Variants in ADK observed in about 807,000 individuals in gnomAD.
ADK encodes adenosine kinase.
ADK carries 24 observed loss-of-function variants against 44.7 expected under a neutral mutation model. The observed-to-expected ratio is 0.54, with a 90% CI of 0.39 to 0.76. The LOEUF (loss-of-function observed/expected upper bound fraction) is 0.76, where lower values mean the gene tolerates loss of function less well. Among genes scored for constraint, ADK ranks in the 30% least tolerant of loss-of-function variants. The pLI is 0.00. For synonymous variants in ADK, 128 were observed against 142.6 expected, an observed-to-expected ratio of 0.90 and a Z score of 0.73; for missense variants, 321 against 425.1, an observed-to-expected ratio of 0.76 and a Z score of 2.15.
At chr10:74,686,173 A>T (rs556789336) in intron 10 of ADK, among the ~76,000 whole-genome samples, 1 of 152,148 alleles carries the variant, frequency 6.6e-6, no homozygotes, top group South Asian at 2.1e-4. Flanking sequence ...CATGTTAGCC[A>T]GGATGGTCTC....
chr10:74,673,087 G>T (rs1364183560), intron 10 of ADK, among the ~76,000 whole-genome samples: 1 of 152,188 alleles, frequency 6.6e-6, no homozygotes, highest in African/African-American at 2.4e-5. Flanking sequence ...CTGAGTAGAT[G>T]ACTTACTTTA....
At position 74,585,182 on chromosome 10, in the gene ADK, T is replaced by C. The variant is rs143714622; in HGVS notation, c.727-4100T>C. Among the ~76,000 whole-genome samples the C allele has an allele frequency of 3.9e-3, 588 of 152,288 alleles. 7 individuals carry two copies. The highest frequency in any genetic ancestry group is 0.013 in the African/African-American group (554 of 41,560). On this transcript the variant is annotated intron_variant, in intron 7 of 10. Coordinates refer to ENST00000539909, the MANE Select transcript of ADK (RefSeq NM_006721.4). Reference sequence around the variant, plus strand: ...TTCCCTAACCTCCATTCAAAAACTATATTTGGTTGTTGTTTTACCCTGGTT... The same window carrying C: ...TTCCCTAACCTCCATTCAAAAACTACATTTGGTTGTTGTTTTACCCTGGTT...
At chr10:74,628,643 A>T (rs575459225) in intron 9 of ADK, among the ~76,000 whole-genome samples, 6 of 152,160 alleles carry the variant, frequency 3.9e-5, no homozygotes, top group African/African-American at 1.4e-4. Flanking sequence ...CAACAACCTC[A>T]TCACTTCTAA....
Position 74,318,923 on chromosome 10 carries a change from C to T in ADK, c.273+4178C>T, listed in dbSNP as rs1207700093. Among the ~76,000 whole-genome samples the T allele has an allele frequency of 3.9e-5, 6 of 152,286 alleles. No homozygotes were observed. In the East Asian group the frequency reaches 7.7e-4, roughly 20 times the overall value. On this transcript the variant is annotated intron_variant, in intron 4 of 10. Coordinates refer to ENST00000539909, the MANE Select transcript of ADK (RefSeq NM_006721.4). Reference sequence around the variant, plus strand: ...GTTGAGAGGATATTTAGCTTAATGTCATTGCACTGGACTGACATCAAGAAT... The same window carrying T: ...GTTGAGAGGATATTTAGCTTAATGTTATTGCACTGGACTGACATCAAGAAT...
chr10:74,362,157 A>G (rs1842354834), intron 4 of ADK, among the ~76,000 whole-genome samples: 1 of 152,022 alleles, frequency 6.6e-6, no homozygotes, highest in African/African-American at 2.4e-5. Context: ...TAAGTTTTCT[A>G]CCCCTTTGTC....
At chr10:74,262,583 G>A (rs1591950943) in intron 3 of ADK, among the ~76,000 whole-genome samples, 1 of 152,118 alleles carries the variant, frequency 6.6e-6, no homozygotes, top group South Asian at 2.1e-4. Flanking sequence ...TATTATTTTT[G>A]TCTTAGTCAT....
At chr10:74,387,238 T>C (rs907312629) in intron 4 of ADK, among the ~76,000 whole-genome samples, 1 of 152,078 alleles carries the variant, frequency 6.6e-6, no homozygotes, top group African/African-American at 2.4e-5. Flanking sequence ...CCTGGCCTGG[T>C]ATTTCAGTTT....
intron 7 of ADK, among the ~76,000 whole-genome samples, chr10:74,588,665 A>G (rs1851610873): frequency 6.6e-6 from 1 of 152,330 alleles, no homozygotes; most frequent in Non-Finnish European, 1.5e-5. Flanking sequence ...ATTAGTGATG[A>G]TAAGTGATAG....
intron 7 of ADK, among the ~76,000 whole-genome samples, chr10:74,544,674 A>C (rs1256584092): frequency 1.3e-5 from 2 of 152,092 alleles, no homozygotes; most frequent in Admixed American, 6.5e-5. Flanking sequence ...CAGGAGATCG[A>C]GACCATCCTG....
intron 6 of ADK, among the ~76,000 whole-genome samples, chr10:74,513,174 A>T (rs1371748495): frequency 6.6e-6 from 1 of 152,106 alleles, no homozygotes; most frequent in Non-Finnish European, 1.5e-5. Flanking sequence ...TTGTGTCCTT[A>T]CACACGATTG....
At chr10:74,653,281 A>G (rs558004324) in intron 9 of ADK, among the ~76,000 whole-genome samples, 29 of 152,118 alleles carry the variant, frequency 1.9e-4, no homozygotes, top group African/African-American at 6.7e-4. Context: ...ATGAAACCCT[A>G]TATCTACTAA....
chr10:74,408,610 T>G (rs1456296731), intron 6 of ADK, among the ~76,000 whole-genome samples: 35 of 152,156 alleles, frequency 2.3e-4, no homozygotes, highest in Admixed American at 2.3e-3. Context: ...GTTTACCTCC[T>G]CAAAAACTTA....
chr10:74,423,799 C>G, intron 6 of ADK: 2 of 330,530 alleles, frequency 6.1e-6, no homozygotes, highest in Non-Finnish European at 1.2e-5. Flanking sequence ...GCTATGATAC[C>G]GCTCCTGTCC....
chr10:74,440,524 A>G (rs1845365188), intron 6 of ADK, among the ~76,000 whole-genome samples: 1 of 152,188 alleles, frequency 6.6e-6, no homozygotes, highest in South Asian at 2.1e-4. Context: ...AGGCTTTATC[A>G]TACCCTAATG....
chr10:74,488,546 TAAC>T (rs1019364498), intron 6 of ADK, among the ~76,000 whole-genome samples: 8 of 150,886 alleles, frequency 5.3e-5, no homozygotes, highest in African/African-American at 1.2e-4. Context: ...AGTATGATAA[TAAC>T]AAATTAGCAC....
chr10:74,431,608 G>T (rs983087294), intron 6 of ADK, among the ~76,000 whole-genome samples: 1 of 152,094 alleles, frequency 6.6e-6, no homozygotes, highest in African/African-American at 2.4e-5. Context: ...AGGTGTGGTA[G>T]CTGGCACCTG....
intron 9 of ADK, among the ~76,000 whole-genome samples, chr10:74,666,142 T>C (rs1854950739): frequency 6.6e-6 from 1 of 152,236 alleles, no homozygotes; most frequent in Non-Finnish European, 1.5e-5. Context: ...TATAATTGAC[T>C]TTCATTATTG....
intron 3 of ADK, among the ~76,000 whole-genome samples, chr10:74,232,874 T>C (rs909584192): frequency 6.6e-6 from 1 of 152,294 alleles, no homozygotes; most frequent in Non-Finnish European, 1.5e-5. Context: ...TCCACCCGCC[T>C]TGCCCTCCCA....
intron 1 of ADK, among the ~76,000 whole-genome samples, chr10:74,157,649 C>T (rs956880809): frequency 3.4e-5 from 5 of 149,170 alleles, no homozygotes; most frequent in South Asian, 2.1e-4. Flanking sequence ...GAGGCCAAGG[C>T]GGGCAGATCA....
Sources: gnomAD v4.1 joint callset for allele counts (sites outside exome capture counted in the v4.1 genomes callset) on GRCh38, gnomAD v4.1.1 for gene constraint, MANE v1.5 for transcripts, NCBI Gene and HGNC (gene_info 2026-07-23, HGNC 2026-07-21) for gene names.